MCTP1: variants seen among roughly 807,000 people sequenced by gnomAD.
MCTP1 encodes multiple C2 and transmembrane domain containing 1.
MCTP1 carries 69 observed loss-of-function variants against 120.6 expected under a neutral mutation model. That is an observed-to-expected ratio of 0.57 (90% CI 0.47 to 0.70). The LOEUF is 0.70. Ranked by LOEUF, MCTP1 falls within the 30% of genes least tolerant of loss-of-function variation. The pLI is 0.00. For synonymous variants in MCTP1, 529 were observed against 493.1 expected, an observed-to-expected ratio of 1.07 and a Z score of -0.96; for missense variants, 1,203 against 1,248.8, an observed-to-expected ratio of 0.96 and a Z score of 0.55.
chr5:95,005,937 C>T (rs1031696466), intron 2 of MCTP1, among the ~76,000 whole-genome samples: 3 of 152,120 alleles, frequency 2.0e-5, no homozygotes, highest in Non-Finnish European at 4.4e-5. Context: ...GGGCACAAGG[C>T]AGGAACCAGC....
intron 2 of MCTP1, among the ~76,000 whole-genome samples, chr5:94,969,114 C>T (rs2153572486): frequency 6.6e-6 from 1 of 152,212 alleles, no homozygotes; most frequent in African/African-American, 2.4e-5. Context: ...GAATAAAATT[C>T]CTTTAAAAAG....
intron 2 of MCTP1, among the ~76,000 whole-genome samples, chr5:94,987,044 T>C (rs1830541423): frequency 6.6e-6 from 1 of 152,236 alleles, no homozygotes; most frequent in African/African-American, 2.4e-5. Flanking sequence ...GAATATTTGT[T>C]ACATTGTGTT....
chr5:95,185,548 C>G (rs1379011331), intron 1 of MCTP1, among the ~76,000 whole-genome samples: 1 of 152,148 alleles, frequency 6.6e-6, no homozygotes, highest in Non-Finnish European at 1.5e-5. Context: ...TTTGGGAGAT[C>G]GAAGTGGGTG....
At chr5:95,175,708 G>C (rs1445322134) in intron 1 of MCTP1, among the ~76,000 whole-genome samples, 4 of 152,160 alleles carry the variant, frequency 2.6e-5, no homozygotes, top group Admixed American at 6.5e-5. Context: ...AGTGTAAGGA[G>C]AAATGCCTTT....
chr5:94,936,278 T>C (rs753051992), intron 5 of MCTP1, among the ~76,000 whole-genome samples: 1 of 152,002 alleles, frequency 6.6e-6, no homozygotes, highest in Non-Finnish European at 1.5e-5. Context: ...TTTGAAGTCA[T>C]CATAAGGAAG....
At chr5:95,005,772 T>C (rs1436539127) in intron 2 of MCTP1, among the ~76,000 whole-genome samples, 1,471 of 88,950 alleles carry the variant, frequency 0.017, 19 homozygotes, top group East Asian at 0.078. Flanking sequence ...CTTTCTTTAT[T>C]TTTTTTTTTT....
At chr5:94,772,117 T>C (rs919694138) in intron 19 of MCTP1, among the ~76,000 whole-genome samples, 4 of 152,208 alleles carry the variant, frequency 2.6e-5, no homozygotes, top group Non-Finnish European at 5.9e-5. Context: ...TGGTTATTTC[T>C]TGGTCTTTAG....
At chr5:94,959,983 C>G (rs1823718280) in intron 2 of MCTP1, among the ~76,000 whole-genome samples, 1 of 151,952 alleles carries the variant, frequency 6.6e-6, no homozygotes, top group South Asian at 2.1e-4. Context: ...GCAAAAATAA[C>G]AAAGCTGGAT....
chr5:95,243,777 G>A (rs149429463), intron 1 of MCTP1, among the ~76,000 whole-genome samples: 110 of 152,246 alleles, frequency 7.2e-4, no homozygotes, highest in African/African-American at 2.6e-3. Context: ...ATTTGGTGAT[G>A]GATTGGAAGT....
intron 19 of MCTP1, among the ~76,000 whole-genome samples, chr5:94,772,517 A>G (rs913138083): frequency 6.6e-6 from 1 of 152,210 alleles, no homozygotes; most frequent in African/African-American, 2.4e-5. Flanking sequence ...TCAGATGATT[A>G]GCACCCTTCA....
chr5:95,006,092 G>A (rs1417144323), intron 2 of MCTP1, among the ~76,000 whole-genome samples: 3 of 152,018 alleles, frequency 2.0e-5, no homozygotes, highest in African/African-American at 7.3e-5. Flanking sequence ...GGAGACATGG[G>A]GAGAATGTGC....
intron 12 of MCTP1, among the ~76,000 whole-genome samples, chr5:94,879,341 T>C (rs1799577877): frequency 6.6e-6 from 1 of 152,004 alleles, no homozygotes; most frequent in Non-Finnish European, 1.5e-5. Context: ...ATTATGTAAA[T>C]TTTCATTATG....
chr5:94,744,053 C>A (rs191509442), intron 19 of MCTP1, among the ~76,000 whole-genome samples: 1 of 152,148 alleles, frequency 6.6e-6, no homozygotes, highest in African/African-American at 2.4e-5. Context: ...TCACTGCAAC[C>A]TCTGCTTCCC....
intron 1 of MCTP1, among the ~76,000 whole-genome samples, chr5:95,049,221 C>T (rs1048765706): frequency 6.6e-6 from 1 of 151,410 alleles, no homozygotes; most frequent in African/African-American, 2.4e-5. Flanking sequence ...AAAATGCCAG[C>T]AAGGCACTTC....
chr5:94,835,123 C>T (rs548632670), intron 17 of MCTP1, among the ~76,000 whole-genome samples: 8 of 152,186 alleles, frequency 5.3e-5, no homozygotes, highest in African/African-American at 9.6e-5. Flanking sequence ...GGCCCTATAA[C>T]GCATTCTCAT....
chr5:95,031,373 A>G (rs1360535446), intron 1 of MCTP1, among the ~76,000 whole-genome samples: 3 of 152,098 alleles, frequency 2.0e-5, no homozygotes, highest in South Asian at 2.1e-4. Context: ...AAAATCTTAA[A>G]GGAAGATAGA....
intron 2 of MCTP1, among the ~76,000 whole-genome samples, chr5:94,988,497 T>C (rs1830828016): frequency 6.6e-6 from 1 of 152,118 alleles, no homozygotes; most frequent in African/African-American, 2.4e-5. Flanking sequence ...TTCAGTGAAA[T>C]GAAAGTGTTC....
At chr5:94,997,693 T>C (rs1832882061) in intron 2 of MCTP1, among the ~76,000 whole-genome samples, 1 of 152,214 alleles carries the variant, frequency 6.6e-6, no homozygotes, top group Admixed American at 6.6e-5. Context: ...TCAATGGACC[T>C]ACGCTGATAC....
intron 17 of MCTP1, among the ~76,000 whole-genome samples, chr5:94,844,301 CAAAAAA>C: frequency 1.3e-5 from 1 of 79,700 alleles, no homozygotes; most frequent in South Asian, 4.8e-4. Context: ...GACTCTGTCT[CAAAAAA>C]AAAAAAAAAA....
Sources: allele counts gnomAD v4.1 joint callset (sites outside exome capture counted in the v4.1 genomes callset), GRCh38; gene constraint gnomAD v4.1.1; transcripts MANE v1.5; gene names NCBI Gene and HGNC (gene_info 2026-07-23, HGNC 2026-07-21).